SP100: variants seen among roughly 807,000 people sequenced by gnomAD.
SP100 encodes SP100 nuclear body protein.
A neutral mutation model predicts 130.0 loss-of-function variants in SP100; 84 were observed. The ratio of observed to expected loss-of-function variants is 0.65; its 90% CI spans 0.54 to 0.77. The LOEUF is 0.77. SP100 is among the 30% of genes least tolerant of loss of function. The probability of loss-of-function intolerance (pLI) is 0.00; values close to 1 mark genes in which losing one functional copy is unlikely to be tolerated. For missense variants in SP100, 978 were observed against 1,052.2 expected (o/e 0.93, Z 0.97); for synonymous variants, 331 against 351.7 (o/e 0.94, Z 0.66).
chr2:230,532,111 C>A (rs186057647), intron 24 of SP100, among the ~76,000 whole-genome samples: 233 of 149,668 alleles, frequency 1.6e-3, no homozygotes, highest in African/African-American at 5.4e-3. Flanking sequence ...CCTAATCTAC[C>A]TTTGTCAGGT....
rs762341702 is a variant in SP100, at chr2:230,494,440, A to G, written c.1625A>G (p.Lys542Arg). 11 of 1,607,980 alleles carry G rather than the reference A, an allele frequency of 6.8e-6. No homozygotes were observed. In the Admixed American group the frequency reaches 1.8e-4, roughly 27 times the overall value. ...KRRKKRRHRS[K>R]VNGLQRGRKK... ...GGAAAAAAGAGAAGGCATAGATCTA[A>G]AGTAAATGGTCTCCAAAGAGGTAAG... The change falls in exon 18 of 29, where the codon AAA becomes AGA. Residue 542 changes from lysine to arginine, a missense_variant. Transcript: ENST00000340126.
chr2:230,489,026 C>T (rs2066263879), intron 17 of SP100, among the ~76,000 whole-genome samples: 1 of 152,130 alleles, frequency 6.6e-6, no homozygotes. Flanking sequence ...CAGGATGATG[C>T]TGGCTTCATA....
intron 25 of SP100, among the ~76,000 whole-genome samples, chr2:230,540,540 G>A (rs930007042): frequency 1.3e-5 from 2 of 152,180 alleles, no homozygotes; most frequent in Non-Finnish European, 2.9e-5. Context: ...AACACTTTGT[G>A]CTTAAGGTAC....
intron 24 of SP100, chr2:230,515,531 C>G: frequency 6.2e-7 from 1 of 1,603,176 alleles, no homozygotes; most frequent in Non-Finnish European, 8.5e-7. Flanking sequence ...AAGCCTAATT[C>G]AGCAAAAAAG....
At chr2:230,460,592 C>CTTTTTTTTTTT (rs1193506734) in intron 8 of SP100, among the ~76,000 whole-genome samples, 2 of 17,196 alleles carry the variant, frequency 1.2e-4, no homozygotes, top group Admixed American at 1.5e-3. Context: ...TAATCTGTTT[C>CTTTTTTTTTTT]TTTTTTTTTT....
intron 2 of SP100, among the ~76,000 whole-genome samples, chr2:230,437,446 G>T (rs532023443): frequency 6.6e-6 from 1 of 152,078 alleles, no homozygotes; most frequent in Non-Finnish European, 1.5e-5. Context: ...TTCACTTCTA[G>T]TGATTATAAC....
Position 230,544,894 on chromosome 2 carries a change from C to T in SP100, c.*1948C>T, listed in dbSNP as rs146993333. ...TTAAAACTACAATGAGACACCATCT[C>T]ACACCAGTCAAAATGCCTCTTTCTA... On this transcript the variant is annotated 3_prime_UTR_variant, in exon 29 of 29. Transcript: ENST00000340126. Among the ~76,000 whole-genome samples the T allele has an allele frequency of 3.9e-4, 59 of 152,350 alleles. No individual in the cohort carries two copies. The highest frequency in any genetic ancestry group is 1.3e-3 in the African/African-American group (53 of 41,584).
At chr2:230,508,191 AG>A in intron 23 of SP100, 160 bp downstream of exon 23, 2 of 1,202,966 alleles carry the variant, frequency 1.7e-6, no homozygotes, top group Non-Finnish European at 2.2e-6. Flanking sequence ...TCAATGTATA[AG>A]TCCAGGGCTC....
intron 2 of SP100, among the ~76,000 whole-genome samples, chr2:230,420,518 T>C (rs1483262452): frequency 6.6e-6 from 1 of 152,196 alleles, no homozygotes; most frequent in Non-Finnish European, 1.5e-5. Context: ...TGAGGCTTTC[T>C]TATAGACACC....
At chr2:230,483,733 T>C (rs186612237) in intron 17 of SP100, among the ~76,000 whole-genome samples, 36 of 152,296 alleles carry the variant, frequency 2.4e-4, no homozygotes, top group Non-Finnish European at 4.4e-4. Context: ...TACGTGTGGG[T>C]ATGTATTCAT....
intron 17 of SP100, among the ~76,000 whole-genome samples, chr2:230,488,249 T>C (rs943243788): frequency 7.2e-5 from 11 of 152,210 alleles, no homozygotes; most frequent in Admixed American, 6.6e-4. Context: ...AGAGAGGGCA[T>C]CCTTGTCTTG....
intron 16 of SP100, 85 bp from the exon 17 acceptor site, chr2:230,474,309 C>G: frequency 1.4e-6 from 1 of 728,010 alleles, no homozygotes; most frequent in Non-Finnish European, 2.4e-6. Flanking sequence ...TAAACGCAAG[C>G]CTTCCATGCA....
chr2:230,449,171 C>G lies in SP100; in HGVS notation c.586+21C>G. 3 of 1,613,040 alleles carry G rather than the reference C, an allele frequency of 1.9e-6. No homozygotes were observed. In the South Asian group the frequency reaches 3.3e-5, roughly 18 times the overall value. On this transcript the variant is annotated intron_variant, in intron 6 of 28. Coordinates refer to ENST00000340126, the MANE Select transcript of SP100 (RefSeq NM_001080391.2). Reference sequence around the variant, plus strand: ...TGCTGGTTTGTTCCTGTTTACTACTCTTTGAGCCTCTGCTATTCTTGCCCC... The same window carrying G: ...TGCTGGTTTGTTCCTGTTTACTACTGTTTGAGCCTCTGCTATTCTTGCCCC...
chr2:230,512,322 C>T (rs1351518216), intron 24 of SP100, among the ~76,000 whole-genome samples: 7 of 124,596 alleles, frequency 5.6e-5, no homozygotes, highest in African/African-American at 2.1e-4. Context: ...CGGAGTCTCG[C>T]TCCATTGCCC....
chr2:230,466,184 C>CAAAAAAAAAAAAAAAAA (rs57983447), intron 11 of SP100, 117 bp from the exon 12 acceptor site: 1 of 234,860 alleles, frequency 4.3e-6, no homozygotes, highest in Non-Finnish European at 7.6e-6. Flanking sequence ...GACTCCATCT[C>CAAAAAAAAAAAAAAAAA]AAAAAAAAAA....
rs1288354293 is a variant in SP100 at position 230,467,230 on chromosome 2, C to A, written c.1291+15C>A. On this transcript the variant is annotated intron_variant, in intron 13 of 28. Transcript: ENST00000340126. ...TGGTGAGAAGGGTAAGAACAGCTCC[C>A]TTGACTTCAGGGCTCTGACTTCAGA... The A allele has an allele frequency of 6.3e-7, 1 of 1,583,642 alleles. No homozygotes were observed. Among genetic ancestry groups the A allele is most frequent in the East Asian group, 2.2e-5 (1 of 44,772 alleles).
chr2:230,484,075 C>G (rs2065954479), intron 17 of SP100, among the ~76,000 whole-genome samples: 1 of 152,212 alleles, frequency 6.6e-6, no homozygotes, highest in Non-Finnish European at 1.5e-5. Flanking sequence ...GAACACTAGA[C>G]AACTCTTCAG....
At chr2:230,520,226 T>C (rs144736138) in intron 24 of SP100, among the ~76,000 whole-genome samples, 107 of 152,336 alleles carry the variant, frequency 7.0e-4, no homozygotes, top group Non-Finnish European at 1.2e-3. Context: ...GACTGCTCCA[T>C]GTTGCTGGGG....
At chr2:230,470,381 C>T (rs1012027321) in intron 15 of SP100, 63 of 1,068,168 alleles carry the variant, frequency 5.9e-5, no homozygotes, top group Non-Finnish European at 6.6e-5. Flanking sequence ...TAAACCTGCT[C>T]TCATTCCTAT....
Sources: gnomAD v4.1 joint callset for allele counts (sites outside exome capture counted in the v4.1 genomes callset) on GRCh38, gnomAD v4.1.1 for gene constraint, MANE v1.5 for transcripts, NCBI Gene and HGNC (gene_info 2026-07-23, HGNC 2026-07-21) for gene names.